The following SMIM13 variants were observed in gnomAD, a reference collection of about 807,000 sequenced individuals.
SMIM13 encodes small integral membrane protein 13.
A neutral mutation model predicts 5.9 loss-of-function variants in SMIM13; 3 were observed. That is an observed-to-expected ratio of 0.51 (90% CI 0.23 to 1.31). SMIM13 has a LOEUF of 1.31. Ranked by LOEUF, SMIM13 falls within the 40% of genes most tolerant of loss-of-function variation. SMIM13 has a pLI of 0.18. For synonymous variants in SMIM13, 55 were observed against 46.0 expected, an observed-to-expected ratio of 1.19 and a Z score of -0.79; for missense variants, 85 against 109.9, an observed-to-expected ratio of 0.77 and a Z score of 1.01.
chr6:11,130,261 AAAAAAAAAC>A, intron 1 of SMIM13, among the ~76,000 whole-genome samples: 1 of 139,076 alleles, frequency 7.2e-6, no homozygotes, highest in South Asian at 2.3e-4. Flanking sequence ...TGTAAAAAAA[AAAAAAAAAC>A]AACAACAACA....
intron 1 of SMIM13, among the ~76,000 whole-genome samples, chr6:11,120,507 A>C (rs1758296146): frequency 6.6e-6 from 1 of 152,148 alleles, no homozygotes. Flanking sequence ...TGAGGACTCC[A>C]CCCTATGACC....
intron 1 of SMIM13, among the ~76,000 whole-genome samples, chr6:11,115,223 A>C (rs964830115): frequency 2.0e-5 from 3 of 152,166 alleles, no homozygotes; most frequent in African/African-American, 7.2e-5. Flanking sequence ...CTGCATAACA[A>C]ATTCCCATAA....
chr6:11,110,160 G>A (rs1433118268), intron 1 of SMIM13, among the ~76,000 whole-genome samples: 1 of 152,088 alleles, frequency 6.6e-6, no homozygotes, highest in African/African-American at 2.4e-5. Flanking sequence ...CAGTGAACAG[G>A]GTGCCCTCCC....
At position 11,134,541 on chromosome 6, in the gene SMIM13, G is replaced by C. The variant is rs781636399; in HGVS notation, c.215G>C (p.Arg72Thr). ...GAAGACACTTCCTCCTCTCCACACA[G>C]AATCAGATCCGCTCGCCAAAGGAGG... ...TEEDTSSSPH[R>T]IRSARQRRAP... The change falls in exon 2 of 2, where the codon AGA becomes ACA. Residue 72 changes from arginine to threonine, a missense_variant. Arg to Thr is a moderately conservative substitution (Grantham distance 71, BLOSUM62 -1). Transcript: ENST00000416247. 1.3e-6 allele frequency: 2 copies of C among 1,550,540 alleles called. No homozygotes were observed. Among genetic ancestry groups the C allele is most frequent in the Non-Finnish European group, 1.7e-6 (2 of 1,146,372 alleles).
At position 11,095,563 on chromosome 6, in the gene SMIM13, G is replaced by A. The variant is rs141990207; in HGVS notation, c.76+1174G>A. ...GATGGGGTTTAACCGTGTTGGTCAG[G>A]CTGGTCTTGAACTCCTGACCTCATG... On this transcript the variant is annotated intron_variant, in intron 1 of 1. Transcript: ENST00000416247. Among the ~76,000 whole-genome samples the A allele has an allele frequency of 1.9e-3, 292 of 152,294 alleles. 1 individual carries two copies. Among genetic ancestry groups the A allele is most frequent in the African/African-American group, 6.8e-3 (282 of 41,568 alleles).
intron 1 of SMIM13, chr6:11,111,623 G>T (rs554819523): frequency 1.8e-4 from 28 of 152,362 alleles, no homozygotes; most frequent in African/African-American, 6.5e-4. Context: ...ACGAAACCAC[G>T]TACGAGGGTT....
chr6:11,101,494 G>T (rs1006519120), intron 1 of SMIM13, among the ~76,000 whole-genome samples: 4 of 152,210 alleles, frequency 2.6e-5, no homozygotes, highest in Non-Finnish European at 5.9e-5. Flanking sequence ...CTATGGTAGG[G>T]CTTCCGAAGG....
At chr6:11,104,468 G>T (rs1199535144) in intron 1 of SMIM13, 1 of 1,552,346 alleles carries the variant, frequency 6.4e-7, no homozygotes, top group Middle Eastern at 1.7e-4. Context: ...GAAATAAGGG[G>T]GTGAGGGAGG....
rs1352883004 is a variant in SMIM13, at chr6:11,115,514, T to C, written c.77-18889T>C. 2.0e-5 allele frequency among the ~76,000 whole-genome samples: 3 copies of C among 152,324 alleles called. No homozygotes were observed. The East Asian group carries it at 5.8e-4, about 29-fold the overall frequency. The stretch of plus-strand genomic sequence containing the variant: ...TCCCTCTTTTAAGGTTTTTACCTAA[T>C]TGAGTCAGGCCCACCCAAGGTAATT... On this transcript the variant is annotated intron_variant, in intron 1 of 1. Coordinates refer to ENST00000416247, the MANE Select transcript of SMIM13 (RefSeq NM_001135575.2).
intron 1 of SMIM13, among the ~76,000 whole-genome samples, chr6:11,114,574 T>A (rs1383757740): frequency 1.4e-5 from 2 of 146,378 alleles, no homozygotes; most frequent in Non-Finnish European, 1.5e-5. Context: ...TGTATTGAGA[T>A]GGTCATGCAC....
rs1479301981 is a variant in SMIM13 at position 11,094,246 on chromosome 6, G to GCGCCGCCGCCCGCGCT, written c.-66_-51dup. The stretch of plus-strand genomic sequence containing the variant: ...GGCGCCCGCCGCTGAAGCGCAGGAC[G>GCGCCGCCGCCCGCGCT]CGCCGCCGCCCGCGCTCACCGCCGT... On this transcript the variant is annotated 5_prime_UTR_variant, in exon 1 of 2. Coordinates refer to ENST00000416247, the MANE Select transcript of SMIM13 (RefSeq NM_001135575.2). 40 of 977,438 alleles carry GCGCCGCCGCCCGCGCT rather than the reference G, an allele frequency of 4.1e-5. No homozygotes were observed. In the Middle Eastern group the frequency reaches 1.2e-3, roughly 29 times the overall value. The allele number at this position is 977,438 out of a possible 1,614,324, so 60.5% of individuals were successfully genotyped here.
At chr6:11,116,909 T>A (rs531650407) in intron 1 of SMIM13, among the ~76,000 whole-genome samples, 1 of 151,602 alleles carries the variant, frequency 6.6e-6, no homozygotes, top group South Asian at 2.1e-4. Flanking sequence ...AAGTTTCTTA[T>A]GGGGAAATCT....
At chr6:11,120,368 A>G (rs1239894093) in intron 1 of SMIM13, among the ~76,000 whole-genome samples, 1 of 152,182 alleles carries the variant, frequency 6.6e-6, no homozygotes, top group African/African-American at 2.4e-5. Flanking sequence ...GGCAGATTTA[A>G]TGTCTGGTGA....
chr6:11,101,887 C>T (rs568402566), intron 1 of SMIM13, among the ~76,000 whole-genome samples: 9 of 151,968 alleles, frequency 5.9e-5, no homozygotes, highest in Non-Finnish European at 8.8e-5. Context: ...TACAGGCATG[C>T]GCCACCACAC....
Position 11,127,470 on chromosome 6 carries a change from T to C in SMIM13, c.77-6933T>C, listed in dbSNP as rs138841587. 3.5e-4 allele frequency among the ~76,000 whole-genome samples: 54 copies of C among 152,326 alleles called. No homozygotes were observed. The East Asian group carries it at 0.01, about 28-fold the overall frequency. Reference sequence around the variant, plus strand: ...CAAGGTTCAGTGTATTAGTCCACTTTCATGCTGCTGATAAAGACATACCTG... The same window carrying C: ...CAAGGTTCAGTGTATTAGTCCACTTCCATGCTGCTGATAAAGACATACCTG... On this transcript the variant is annotated intron_variant, in intron 1 of 1. Transcript: ENST00000416247.
In SMIM13 at chr6:11,109,106, C is replaced by T. The variant is rs1048597498; in HGVS notation, c.76+14717C>T. Among the ~76,000 whole-genome samples the T allele has an allele frequency of 3.9e-5, 6 of 152,202 alleles. No homozygotes were observed. The East Asian group carries it at 1.2e-3, about 29-fold the overall frequency. On this transcript the variant is annotated intron_variant, in intron 1 of 1. Coordinates refer to ENST00000416247, the MANE Select transcript of SMIM13 (RefSeq NM_001135575.2). ...CCACAGGGTAGCCACCAGTGTCAGG[C>T]ATGTGCATTGTGTTTGCAAATTGTT...
intron 1 of SMIM13, among the ~76,000 whole-genome samples, chr6:11,112,323 C>G (rs537321732): frequency 4.8e-4 from 73 of 152,104 alleles, no homozygotes; most frequent in African/African-American, 1.6e-3. Flanking sequence ...GCAATCTTGG[C>G]TCACTGCAAC....
At chr6:11,104,288 C>T in intron 1 of SMIM13, 3 of 1,551,676 alleles carry the variant, frequency 1.9e-6, no homozygotes, top group Non-Finnish European at 2.6e-6. Context: ...ACGGGGAATT[C>T]CCATAGATTG....
At chr6:11,111,436 T>A (rs1003987868) in intron 1 of SMIM13, among the ~76,000 whole-genome samples, 1 of 152,164 alleles carries the variant, frequency 6.6e-6, no homozygotes, top group Non-Finnish European at 1.5e-5. Flanking sequence ...ATCAGCCTCC[T>A]GTCTGGGGGG....
Sources: allele counts gnomAD v4.1 joint callset (sites outside exome capture counted in the v4.1 genomes callset), GRCh38; gene constraint gnomAD v4.1.1; transcripts MANE v1.5; gene names NCBI Gene and HGNC (gene_info 2026-07-23, HGNC 2026-07-21).